ATG101: variants seen among roughly 807,000 people sequenced by gnomAD.
ATG101 encodes autophagy-related protein 101.
ATG101 carries 6 observed loss-of-function variants against 16.7 expected under a neutral mutation model. That is an observed-to-expected ratio of 0.36 (90% CI 0.20 to 0.71). ATG101 has a LOEUF of 0.71. ATG101 is among the 30% of genes least tolerant of loss of function. The pLI, the probability that ATG101 is intolerant of heterozygous loss-of-function variation, is 0.57. For synonymous variants in ATG101, 108 were observed against 118.1 expected (o/e 0.91, Z 0.56); for missense variants, 200 against 292.5 (o/e 0.68, Z 2.31).
intron 3 of ATG101, 60 bp downstream of exon 3, chr12:52,073,962 G>A: frequency 3.8e-6 from 6 of 1,589,480 alleles, no homozygotes; most frequent in East Asian, 4.5e-5. Flanking sequence ...GGGGGGCCTC[G>A]AGTGCTCCTC....
At chr12:52,066,960 T>C (rs1277927843), upstream of ATG101, among the ~76,000 whole-genome samples, 1 of 152,214 alleles carries the variant, frequency 6.6e-6, no homozygotes, top group East Asian at 1.9e-4. Flanking sequence ...TTCCTCCTGA[T>C]TGCCGTCTGG....
At chr12:52,071,541 A>G (rs1939650336) in intron 2 of ATG101, 1 of 152,238 alleles carries the variant, frequency 6.6e-6, no homozygotes, top group Non-Finnish European at 1.5e-5. Context: ...AGCAGAAAGA[A>G]TAACTGGACT....
chr12:52,076,694 AAG>A (rs1939735520), intron 3 of ATG101, 90 bp from the exon 4 acceptor site: 1 of 1,428,714 alleles, frequency 7.0e-7, no homozygotes, highest in East Asian at 2.3e-5. Flanking sequence ...GACTAGAGCT[AAG>A]AGAGCATAAT....
At chr12:52,070,269 A>G (rs965348614) in intron 1 of ATG101, 27 bp downstream of exon 1, 5 of 151,990 alleles carry the variant, frequency 3.3e-5, no homozygotes, top group Admixed American at 1.3e-4. Flanking sequence ...GGCGGGGGAT[A>G]CGGGACCCGG....
At chr12:52,068,770 A>G (rs1939580471), upstream of ATG101, among the ~76,000 whole-genome samples, 1 of 151,896 alleles carries the variant, frequency 6.6e-6, no homozygotes, top group South Asian at 2.1e-4. Context: ...GCAGATCACG[A>G]GGTCAGGATA....
intron 3 of ATG101, among the ~76,000 whole-genome samples, chr12:52,074,190 C>T (rs1939698264): frequency 6.6e-6 from 1 of 152,240 alleles, no homozygotes; most frequent in Non-Finnish European, 1.5e-5. Context: ...CTGGGGCCAT[C>T]CTTGCTTCTG....
Position 52,077,159 on chromosome 12 carries a change from G to A in ATG101, c.626G>A (p.Arg209His), listed in dbSNP as rs1267727060. The A allele has an allele frequency of 6.2e-7, 1 of 1,613,944 alleles. No individual in the cohort carries two copies. Among genetic ancestry groups the A allele is most frequent in the Non-Finnish European group, 8.5e-7 (1 of 1,179,880 alleles). The change falls in exon 4 of 4, where the codon CGC (arginine) becomes CAC (histidine). Residue 209 changes from arginine (R) to histidine (H), a missense_variant. Coordinates refer to ENST00000336854, the MANE Select transcript of ATG101 (RefSeq NM_021934.5). ...ALGTSVTTTM[R>H]RLIKDTLAL ...GGCACCTCAGTCACCACCACCATGC[G>A]CAGGCTCATCAAAGACACCCTTGCC...
upstream of ATG101, chr12:52,069,789 G>A (rs927155573): frequency 3.3e-5 from 5 of 152,310 alleles, no homozygotes; most frequent in Admixed American, 2.6e-4. Context: ...CTTAAAATCC[G>A]AGACATAACC....
intron 3 of ATG101, among the ~76,000 whole-genome samples, chr12:52,075,383 C>T (rs572238872): frequency 1.1e-4 from 17 of 152,182 alleles, no homozygotes; most frequent in Non-Finnish European, 2.5e-4. Context: ...CTTGGGCTAG[C>T]GGCTCCACTC....
chr12:52,074,334 G>A (rs1005100444), intron 3 of ATG101, among the ~76,000 whole-genome samples: 3 of 152,174 alleles, frequency 2.0e-5, no homozygotes, highest in Non-Finnish European at 4.4e-5. Context: ...CCTTTTGGTG[G>A]TGTGGCATTG....
At chr12:52,065,441 G>C (rs1026123192), upstream of ATG101, among the ~76,000 whole-genome samples, 1 of 152,186 alleles carries the variant, frequency 6.6e-6, no homozygotes, top group African/African-American at 2.4e-5. Context: ...AGACGATTAC[G>C]TCTTGATCAT....
At chr12:52,069,582 C>G (rs1186634158), upstream of ATG101, 3 of 152,238 alleles carry the variant, frequency 2.0e-5, no homozygotes, top group Non-Finnish European at 4.4e-5. Context: ...AGTTGGGCAC[C>G]GCGTCAGCGT....
upstream of ATG101, chr12:52,069,123 T>C (rs956190565): frequency 2.6e-5 from 4 of 151,468 alleles, no homozygotes; most frequent in African/African-American, 9.7e-5. Flanking sequence ...CTCCAGGAAG[T>C]TACACAGCAC....
chr12:52,074,084 G>GGCCGA (rs1232768538), intron 3 of ATG101, among the ~76,000 whole-genome samples, 182 bp downstream of exon 3: 1 of 152,226 alleles, frequency 6.6e-6, no homozygotes, highest in East Asian at 1.9e-4. Flanking sequence ...AGGGCGCGCG[G>GGCCGA]GCGCGTGTGT....
chr12:52,071,615 G>T (rs1196811126), intron 2 of ATG101, among the ~76,000 whole-genome samples: 1 of 152,092 alleles, frequency 6.6e-6, no homozygotes, highest in Non-Finnish European at 1.5e-5. Flanking sequence ...TCAGGAGTTC[G>T]AGACCAGCCT....
At chr12:52,068,322 G>A (rs948808620), upstream of ATG101, among the ~76,000 whole-genome samples, 4 of 151,280 alleles carry the variant, frequency 2.6e-5, no homozygotes, top group Admixed American at 6.6e-5. Flanking sequence ...CCAAAGTACC[G>A]GGATTACAGG....
chr12:52,067,865 G>A (rs61915175), upstream of ATG101, among the ~76,000 whole-genome samples: 7,980 of 151,862 alleles, frequency 0.053, 268 homozygotes, highest in South Asian at 0.08. Flanking sequence ...CAAAGTGCTG[G>A]GATTACAGGC....
chr12:52,071,303 T>A (rs1252659670), intron 2 of ATG101: 1 of 152,160 alleles, frequency 6.6e-6, no homozygotes, highest in African/African-American at 2.4e-5. Flanking sequence ...GAGTGAAATA[T>A]ACTTAGAGGA....
intron 3 of ATG101, among the ~76,000 whole-genome samples, chr12:52,076,355 C>G (rs1031669697): frequency 2.1e-4 from 32 of 152,308 alleles, no homozygotes; most frequent in African/African-American, 7.0e-4. Flanking sequence ...AATCCAGATT[C>G]AAACCCTGGT....
Sources: allele counts gnomAD v4.1 joint callset (sites outside exome capture counted in the v4.1 genomes callset), GRCh38; gene constraint gnomAD v4.1.1; transcripts MANE v1.5; gene names NCBI Gene and HGNC (gene_info 2026-07-23, HGNC 2026-07-21).